SLC5A9: variants seen among roughly 807,000 people sequenced by gnomAD.
SLC5A9 encodes the protein sodium/glucose cotransporter 4.
A neutral mutation model predicts 70.9 loss-of-function variants in SLC5A9; 59 were observed. That is an observed-to-expected ratio of 0.83 (90% CI 0.68 to 1.03). The LOEUF (loss-of-function observed/expected upper bound fraction) is 1.03. Among genes scored for constraint, SLC5A9 ranks in the 50% least tolerant of loss-of-function variants. SLC5A9 has a pLI of 0.00. For missense variants in SLC5A9, 832 were observed against 881.1 expected (o/e 0.94, Z 0.71); for synonymous variants, 340 against 346.5 (o/e 0.98, Z 0.21).
rs1442269994 is a variant in SLC5A9, at chr1:48,239,140, C to T, written c.1462-182C>T. On this transcript the variant is annotated intron_variant, in intron 11 of 13. Transcript: ENST00000438567. The surrounding 1 kb of genome is among the most constrained non-coding windows in gnomAD (Gnocchi z 4.2). ...ACCTGACTCTAGAGCCCCTATTCCA[C>T]TGTGCCTTTAAGTCAAGACGAAGTC... Among the ~76,000 whole-genome samples, 1 of 152,242 alleles carries T rather than the reference C, an allele frequency of 6.6e-6. No individual in the cohort carries two copies. The highest frequency in any genetic ancestry group is 6.5e-5 in the Admixed American group (1 of 15,288).
chr1:48,230,453 A>C (rs1569829175), intron 4 of SLC5A9, 147 bp from the exon 5 acceptor site: 1 of 602,326 alleles, frequency 1.7e-6, no homozygotes, highest in Non-Finnish European at 3.0e-6. Flanking sequence ...TAAAACCCAC[A>C]CTCCTTAGCA....
chr1:48,235,006 G>A (rs78037448), intron 9 of SLC5A9, among the ~76,000 whole-genome samples: 4,634 of 152,216 alleles, frequency 0.03, 240 homozygotes, highest in African/African-American at 0.11. Flanking sequence ...TTAAATATAT[G>A]GATTTGGAAG....
chr1:48,229,066 C>G (rs770281094), intron 3 of SLC5A9, 112 bp downstream of exon 3: 1 of 1,613,932 alleles, frequency 6.2e-7, no homozygotes, highest in South Asian at 1.1e-5. Flanking sequence ...CATGGTGAAT[C>G]GAGAATCCAT....
Position 48,239,233 on chromosome 1 carries a change from G to A in SLC5A9, c.1462-89G>A, listed in dbSNP as rs1644364472. ...TTGCCCAACATGGCAATAAACCAGTGGGAGAGAGATTTGGGGAGAGAGTAG... is the reference window on the plus strand; with the variant it reads ...TTGCCCAACATGGCAATAAACCAGTAGGAGAGAGATTTGGGGAGAGAGTAG... On this transcript the variant is annotated intron_variant, in intron 11 of 13. Coordinates refer to ENST00000438567, the MANE Select transcript of SLC5A9 (RefSeq NM_001011547.3). This position sits in a 1 kb window ranked among gnomAD's most constrained non-coding sequence, Gnocchi z 4.2. 1 of 942,260 alleles carries A rather than the reference G, an allele frequency of 1.1e-6. No homozygotes were observed. The allele number at this position is 942,260 out of a possible 1,614,324, so 58.4% of individuals were successfully genotyped here. A position where few individuals can be genotyped will look rare whatever the true frequency, so the allele number is the denominator to read the frequency against.
Position 48,239,529 on chromosome 1 carries a change from G to C in SLC5A9, c.1669G>C (p.Glu557Gln), listed in dbSNP as rs767538169. 2 of 1,614,084 alleles carry C rather than the reference G, an allele frequency of 1.2e-6. No individual in the cohort carries two copies. The highest frequency in any genetic ancestry group is 2.2e-5 in the South Asian group (2 of 91,076). ...CAGCCTCTGTACAACTCCCATCCCT[G>C]AGGAACAGGCAAGTGTTGTGCTCAT... ...IVSLCTTPIP[E>Q]EQLTRLTWWT... is the part of the protein sequence containing the mutation. Residue 557 changes from glutamate (E) to glutamine (Q), a missense_variant, in exon 12 of 14, where the codon GAG becomes CAG. By Grantham distance (29) the Glu-to-Gln change is conservative. Transcript: ENST00000438567. The surrounding 1 kb of genome is among the most constrained non-coding windows in gnomAD (Gnocchi z 4.2).
In SLC5A9 at chr1:48,224,776, G is replaced by A. The variant is rs1644120813; in HGVS notation, c.215G>A (p.Arg72Lys). ...GTIGGYFLAG[R>K]SMSWWPIGAS... Reference sequence around the variant, plus strand: ...ATTGGCGGCTATTTCCTGGCCGGGAGGTCCATGAGCTGGTGGCCAGTGAGT... The same window carrying A: ...ATTGGCGGCTATTTCCTGGCCGGGAAGTCCATGAGCTGGTGGCCAGTGAGT... The change falls in exon 2 of 14, where the codon AGG becomes AAG. Residue 72 changes from arginine (R) to lysine (K), a missense_variant. By Grantham distance (26) the Arg-to-Lys change is conservative. Transcript: ENST00000438567. The A allele has an allele frequency of 4.3e-6, 7 of 1,613,980 alleles. No homozygotes were observed. Among genetic ancestry groups the A allele is most frequent in the South Asian group, 3.3e-5 (3 of 91,088 alleles).
Position 48,247,798 on chromosome 1 carries a change from G to T in SLC5A9, c.*255G>T. On this transcript the variant is annotated 3_prime_UTR_variant, in exon 14 of 14. Coordinates refer to ENST00000438567, the MANE Select transcript of SLC5A9 (RefSeq NM_001011547.3). Reference sequence around the variant, plus strand: ...GTTTCCCCACTCTTTCTGATATATTGCCTTACAGACCTACCTCAAACACAC... The same window carrying T: ...GTTTCCCCACTCTTTCTGATATATTTCCTTACAGACCTACCTCAAACACAC... The T allele has an allele frequency of 1.8e-6, 1 of 546,750 alleles. No homozygotes were observed. The highest frequency in any genetic ancestry group is 3.3e-6 in the Non-Finnish European group (1 of 303,972). 33.9% of individuals were successfully genotyped at this position (546,750 alleles called of 1,614,324 possible).
chr1:48,243,484 C>A (rs1644415692), intron 13 of SLC5A9, among the ~76,000 whole-genome samples: 1 of 152,146 alleles, frequency 6.6e-6, no homozygotes, highest in Non-Finnish European at 1.5e-5. Flanking sequence ...ATTTGAGGTA[C>A]CTGTGTTAGT....
At chr1:48,244,826 A>ATCTATAAAT (rs1644436087) in intron 13 of SLC5A9, among the ~76,000 whole-genome samples, 1 of 63,788 alleles carries the variant, frequency 1.6e-5, no homozygotes, top group African/African-American at 5.7e-5. Flanking sequence ...TATTTATATT[A>ATCTATAAAT]TATATATAAA....
chr1:48,229,131 G>A lies in SLC5A9; in HGVS notation c.340-164G>A, dbSNP rs138535160. 4 of 1,613,892 alleles carry A rather than the reference G, an allele frequency of 2.5e-6. No homozygotes were observed. In the African/African-American group the frequency reaches 4.0e-5, roughly 16 times the overall value. On this transcript the variant is annotated intron_variant, in intron 3 of 13. Coordinates refer to ENST00000438567, the MANE Select transcript of SLC5A9 (RefSeq NM_001011547.3). ...AGGAAATCAAGGTCTGGAGGAGACAGAGGGATCCATCCAAGGTCACACGGG... is the reference window on the plus strand; with the variant it reads ...AGGAAATCAAGGTCTGGAGGAGACAAAGGGATCCATCCAAGGTCACACGGG...
At chr1:48,228,217 G>C (rs1020638112) in intron 2 of SLC5A9, 4 of 152,456 alleles carry the variant, frequency 2.6e-5, no homozygotes, top group Admixed American at 1.3e-4. Context: ...GGTAAGATGG[G>C]GATAAAAGTA....
intron 1 of SLC5A9, 143 bp downstream of exon 1, chr1:48,223,041 T>C: frequency 1.2e-6 from 1 of 860,232 alleles, no homozygotes; most frequent in Non-Finnish European, 1.8e-6. Context: ...CCTTCAGGAA[T>C]CAGGCTCCTG....
chr1:48,224,663 G>T, intron 1 of SLC5A9, 61 bp from the exon 2 acceptor site: 1 of 1,548,376 alleles, frequency 6.5e-7, no homozygotes, highest in Non-Finnish European at 8.9e-7. Context: ...CTGCGGGGAG[G>T]GGGCAGGGCA....
At position 48,247,522 on chromosome 1, in the gene SLC5A9, C is replaced by A. The variant is rs2148593885; in HGVS notation, c.2025C>A (p.Phe675Leu). 6.2e-7 allele frequency: 1 copy of A among 1,614,208 alleles called. No homozygotes were observed. The change falls in exon 14 of 14, where the codon TTC (phenylalanine) becomes TTA (leucine). Residue 675 changes from phenylalanine (F) to leucine (L), a missense_variant. Transcript: ENST00000438567. ...TCCTTTTGCTGGCCATCAACATCTT[C>A]CTCTGGGGCTATTTTGCGTGATTCC... ...NAVLLLAINI[F>L]LWGYFA
intron 13 of SLC5A9, among the ~76,000 whole-genome samples, chr1:48,244,878 G>GTATGTATATATATATA (rs1553132215): frequency 6.8e-5 from 2 of 29,418 alleles, no homozygotes; most frequent in East Asian, 3.2e-3. Context: ...ATGTGTATGT[G>GTATGTATATATATATA]TATATATATA....
chr1:48,233,616 C>G (rs530532743), intron 8 of SLC5A9, 39 bp from the exon 9 acceptor site: 2 of 1,531,262 alleles, frequency 1.3e-6, no homozygotes, highest in Non-Finnish European at 1.8e-6. Flanking sequence ...TGAGAAGGCA[C>G]GAGATCACGG....
In SLC5A9 at chr1:48,244,911, A is replaced by ATATATAT. The variant is rs1557486574; in HGVS notation, c.1837+2295_1837+2296insTATATAT. ...ATATATATATATATATATATATATA[A>ATATATAT]AACCTCTGTCTCAGAAGGTTGCCAA... On this transcript the variant is annotated intron_variant, in intron 13 of 13. Transcript: ENST00000438567. 2.1e-4 allele frequency among the ~76,000 whole-genome samples: 5 copies of ATATATAT among 23,370 alleles called. 1 individual carries two copies. The highest frequency in any genetic ancestry group is 4.8e-4 in the African/African-American group (5 of 10,512). 15.3% of individuals were successfully genotyped at this position (23,370 alleles called of 152,430 possible).
At chr1:48,244,165 T>C (rs1296962808) in intron 13 of SLC5A9, among the ~76,000 whole-genome samples, 1 of 152,036 alleles carries the variant, frequency 6.6e-6, no homozygotes, top group Non-Finnish European at 1.5e-5. Flanking sequence ...GGAGTTAGGG[T>C]TCCCTCAGCA....
intron 9 of SLC5A9, 27 bp downstream of exon 9, chr1:48,233,789 T>C: frequency 6.6e-7 from 1 of 1,519,922 alleles, no homozygotes. Flanking sequence ...CACCCCACCC[T>C]GCACTCTCAC....
Sources: allele counts gnomAD v4.1 joint callset (sites outside exome capture counted in the v4.1 genomes callset), GRCh38; gene constraint gnomAD v4.1.1; non-coding constraint Gnocchi (gnomAD v3.1); transcripts MANE v1.5; gene names NCBI Gene and HGNC (gene_info 2026-07-23, HGNC 2026-07-21).